The following FNTA variants were observed in gnomAD, a reference collection of about 807,000 sequenced individuals.
The protein encoded by FNTA is farnesyltransferase, CAAX box, subunit alpha, also known as protein farnesyltransferase/geranylgeranyltransferase type-1 subunit alpha.
A neutral mutation model predicts 55.2 loss-of-function variants in FNTA; 27 were observed. The ratio of observed to expected loss-of-function variants is 0.49; its 90% CI spans 0.36 to 0.67. The LOEUF (loss-of-function observed/expected upper bound fraction) is 0.67. FNTA is among the 30% of genes least tolerant of loss of function. The pLI is 0.00. For missense variants in FNTA, 422 were observed against 464.7 expected (o/e 0.91, Z 0.85); for synonymous variants, 176 against 170.7 (o/e 1.03, Z -0.24).
chr8:43,062,350 C>T (rs931945850), intron 2 of FNTA, among the ~76,000 whole-genome samples: 3 of 151,734 alleles, frequency 2.0e-5, no homozygotes, highest in African/African-American at 4.8e-5. Flanking sequence ...GGCGTGATCT[C>T]GGCTCACTGC....
intron 2 of FNTA, among the ~76,000 whole-genome samples, chr8:43,061,999 G>C (rs551741586): frequency 6.6e-6 from 1 of 151,974 alleles, no homozygotes; most frequent in Non-Finnish European, 1.5e-5. Context: ...GATTACAAGC[G>C]TGAGCTACCG....
intron 3 of FNTA, among the ~76,000 whole-genome samples, chr8:43,064,932 G>C (rs1297947639): frequency 4.0e-5 from 6 of 151,302 alleles, no homozygotes. Context: ...TGCCTCCAGG[G>C]TTCAATCGAT....
rs775127478 is a variant in FNTA at position 43,059,190 on chromosome 8, A to G, written c.286+13A>G. The G allele has an allele frequency of 3.2e-5, 51 of 1,586,244 alleles. No individual in the cohort carries two copies. The highest frequency in any genetic ancestry group is 3.6e-4 in the Middle Eastern group (2 of 5,572). The stretch of plus-strand genomic sequence containing the variant: ...TATAGTGACAAATGTAAGTTTGTTT[A>G]TATTAGGAAAAGGTCTGTAAGTTAA... On this transcript the variant is annotated intron_variant, in intron 2 of 8. Transcript: ENST00000302279.
intron 2 of FNTA, among the ~76,000 whole-genome samples, chr8:43,061,100 T>G (rs1053085470): frequency 6.6e-6 from 1 of 152,246 alleles, no homozygotes; most frequent in African/African-American, 2.4e-5. Context: ...TATTAGGTAT[T>G]AAGATATATG....
At chr8:43,065,323 C>A (rs1187134166) in intron 3 of FNTA, among the ~76,000 whole-genome samples, 1 of 151,834 alleles carries the variant, frequency 6.6e-6, no homozygotes, top group African/African-American at 2.4e-5. Flanking sequence ...TCTTGGCTTA[C>A]TGCAGCCTCT....
chr8:43,056,490 G>T lies in FNTA; in HGVS notation c.144G>T (p.Ala48=). Residue 48 remains alanine, a synonymous_variant, in exon 1 of 9, where the codon GCG becomes GCT. Transcript: ENST00000302279. ...EMAAEAGEAV[A]SPMDDGFVSL... is the part of the protein sequence containing the mutation. ...CGGCCGAGGCTGGGGAAGCCGTGGC[G>T]TCCCCCATGGACGACGGGTTTGTGA... 1.3e-6 allele frequency: 2 copies of T among 1,572,422 alleles called. No individual in the cohort carries two copies. Among genetic ancestry groups the T allele is most frequent in the Non-Finnish European group, 1.7e-6 (2 of 1,162,904 alleles).
chr8:43,059,294 T>C (rs984294372), intron 2 of FNTA, 117 bp downstream of exon 2: 10 of 660,032 alleles, frequency 1.5e-5, no homozygotes, highest in Non-Finnish European at 2.3e-5. Context: ...TCTGAATGAC[T>C]TAAGATGAGT....
intron 4 of FNTA, among the ~76,000 whole-genome samples, chr8:43,071,263 CCAT>C (rs1810783916): frequency 6.6e-6 from 1 of 152,078 alleles, no homozygotes; most frequent in East Asian, 1.9e-4. Context: ...ATCTGTACAA[CCAT>C]CACCATAGTG....
At position 43,072,174 on chromosome 8, in the gene FNTA, G is replaced by A. The variant is rs1323737101; in HGVS notation, c.507-7G>A. 1.1e-5 allele frequency: 16 copies of A among 1,502,092 alleles called. No homozygotes were observed. The highest frequency in any genetic ancestry group is 1.3e-5 in the Non-Finnish European group (15 of 1,120,914). 93.0% of individuals were successfully genotyped at this position (1,502,092 alleles called of 1,614,324 possible). ...CAAAAAACTTCTCTCCCTTCTTTGG[G>A]CTTTAGGCATCATAGGCGAGTATTA... On this transcript the variant is annotated splice_polypyrimidine_tract_variant and splice_region_variant and intron_variant, in intron 4 of 8. Transcript: ENST00000302279.
chr8:43,056,422 C>T lies in FNTA; in HGVS notation c.76C>T (p.Pro26Ser). The change falls in exon 1 of 9, where the codon CCG (proline) becomes TCG (serine). Residue 26 changes from proline to serine, a missense_variant. Coordinates refer to ENST00000302279, the MANE Select transcript of FNTA (RefSeq NM_002027.3). The part of the protein sequence containing the change: ...PGQPAQPPPQ[P>S]HPPPPQQQHK... ...GCAGCCGGCGCAACCCCCGCCCCAG[C>T]CGCACCCACCGCCGCCCCAGCAGCA... is the stretch of plus-strand genomic sequence containing the variant. The T allele has an allele frequency of 6.5e-7, 1 of 1,528,332 alleles. No individual in the cohort carries two copies. Among genetic ancestry groups the T allele is most frequent in the Non-Finnish European group, 8.8e-7 (1 of 1,140,752 alleles). The allele number at this position is 1,528,332 out of a possible 1,614,324, so 94.7% of individuals were successfully genotyped here. A position where few individuals can be genotyped will look rare whatever the true frequency, so the allele number is the denominator to read the frequency against.
In FNTA at chr8:43,085,145, A is replaced by G; in HGVS notation, c.1018-15A>G. 1.3e-6 allele frequency: 2 copies of G among 1,514,930 alleles called. No homozygotes were observed. Among genetic ancestry groups the G allele is most frequent in the Non-Finnish European group, 1.8e-6 (2 of 1,114,436 alleles). The allele number at this position is 1,514,930 out of a possible 1,614,324, so 93.8% of individuals were successfully genotyped here. A position where few individuals can be genotyped will look rare whatever the true frequency, so the allele number is the denominator to read the frequency against. ...TGAATTACATATTACTTTAATTTTT[A>G]TTTTTCATTTTCAGTTATGTGAAAT... On this transcript the variant is annotated splice_polypyrimidine_tract_variant and intron_variant, in intron 8 of 8. Transcript: ENST00000302279.
intron 8 of FNTA, 90 bp from the exon 9 acceptor site, chr8:43,085,070 A>T (rs897468899): frequency 6.5e-6 from 8 of 1,223,018 alleles, no homozygotes; most frequent in Admixed American, 2.4e-5. Context: ...CTTCATTTGA[A>T]TGTGATTTGA....
In FNTA at chr8:43,076,295, C is replaced by T. The variant is rs569983845; in HGVS notation, c.634-921C>T. 1.2e-4 allele frequency among the ~76,000 whole-genome samples: 18 copies of T among 152,136 alleles called. 1 individual carries two copies. In the Middle Eastern group the frequency reaches 0.01, roughly 86 times the overall value. On this transcript the variant is annotated intron_variant, in intron 5 of 8. Coordinates refer to ENST00000302279, the MANE Select transcript of FNTA (RefSeq NM_002027.3). ...CTGACCTCAGGTGATCCACCCACCT[C>T]GACCTCCCAAAGTGCTGGGATTACA...
chr8:43,077,117 TCCTCAGTTCTA>T (rs1488317350), intron 5 of FNTA, 88 bp from the exon 6 acceptor site: 1 of 736,716 alleles, frequency 1.4e-6, no homozygotes, highest in Non-Finnish European at 2.1e-6. Context: ...AAATCCTGTG[TCCTCAGTTCTA>T]CCTTCTTTGT....
intron 2 of FNTA, among the ~76,000 whole-genome samples, chr8:43,063,838 A>G (rs1480949792): frequency 2.0e-5 from 3 of 152,214 alleles, no homozygotes; most frequent in East Asian, 1.9e-4. Flanking sequence ...CATAAGGCCT[A>G]TGGGAGATAT....
intron 2 of FNTA, among the ~76,000 whole-genome samples, chr8:43,061,478 T>C (rs1280918034): frequency 6.6e-6 from 1 of 152,232 alleles, no homozygotes; most frequent in African/African-American, 2.4e-5. Flanking sequence ...GTCTGGCTCA[T>C]AGTAAGCACT....
intron 7 of FNTA, among the ~76,000 whole-genome samples, chr8:43,084,454 T>G (rs1811086988): frequency 6.6e-6 from 1 of 152,128 alleles, no homozygotes; most frequent in African/African-American, 2.4e-5. Context: ...ACTCCTGGGT[T>G]CAAGTGTTCC....
chr8:43,068,132 G>A (rs1810703378), intron 3 of FNTA, among the ~76,000 whole-genome samples: 1 of 152,076 alleles, frequency 6.6e-6, no homozygotes, highest in African/African-American at 2.4e-5. Flanking sequence ...TCCTGACCTC[G>A]TGATCCGCCC....
At chr8:43,074,394 G>A (rs953617652) in intron 5 of FNTA, among the ~76,000 whole-genome samples, 2 of 152,076 alleles carry the variant, frequency 1.3e-5, no homozygotes, top group Non-Finnish European at 2.9e-5. Context: ...GCGTAGTGGC[G>A]CATGCTTGTG....
Sources: gnomAD v4.1 joint callset for allele counts (sites outside exome capture counted in the v4.1 genomes callset) on GRCh38, gnomAD v4.1.1 for gene constraint, MANE v1.5 for transcripts, NCBI Gene and HGNC (gene_info 2026-07-23, HGNC 2026-07-21) for gene names.